FSIP1: variants seen among roughly 807,000 people sequenced by gnomAD.
FSIP1 encodes fibrous sheath-interacting protein 1.
A neutral mutation model predicts 60.9 loss-of-function variants in FSIP1; 65 were observed. That is an observed-to-expected ratio of 1.07 (90% CI 0.87 to 1.31). The LOEUF (loss-of-function observed/expected upper bound fraction) is 1.31, where lower values mean the gene tolerates loss of function less well. FSIP1 is among the 40% of genes most tolerant of loss of function. FSIP1 has a pLI of 0.00. For missense variants in FSIP1, 675 were observed against 665.5 expected, an observed-to-expected ratio of 1.01 and a Z score of -0.16; for synonymous variants, 209 against 221.2, an observed-to-expected ratio of 0.94 and a Z score of 0.49.
intron 11 of FSIP1, among the ~76,000 whole-genome samples, chr15:39,603,316 G>A (rs1469418845): frequency 1.3e-5 from 2 of 152,202 alleles, no homozygotes; most frequent in Non-Finnish European, 2.9e-5. Flanking sequence ...CTCAGAAACT[G>A]ACTTAAATGA....
intron 5 of FSIP1, among the ~76,000 whole-genome samples, chr15:39,751,314 T>A (rs1202112978): frequency 6.6e-6 from 1 of 151,718 alleles, no homozygotes; most frequent in African/African-American, 2.4e-5. Flanking sequence ...CATAAAGACA[T>A]CTGCACTCCC....
At chr15:39,646,557 T>G (rs1892621978) in intron 10 of FSIP1, among the ~76,000 whole-genome samples, 1 of 140,662 alleles carries the variant, frequency 7.1e-6, no homozygotes, top group African/African-American at 2.7e-5. Context: ...AGGCTGCGTT[T>G]GGTGATGTGT....
At chr15:39,670,073 A>G (rs979787247) in intron 10 of FSIP1, among the ~76,000 whole-genome samples, 4 of 152,238 alleles carry the variant, frequency 2.6e-5, no homozygotes, top group Non-Finnish European at 4.4e-5. Context: ...TAATGTTTAA[A>G]GACTGTAATT....
chr15:39,731,755 T>G (rs1173948928), intron 8 of FSIP1, among the ~76,000 whole-genome samples: 1 of 152,116 alleles, frequency 6.6e-6, no homozygotes, highest in Non-Finnish European at 1.5e-5. Context: ...TAGCCAGGGT[T>G]CAGGTAGGTA....
intron 5 of FSIP1, among the ~76,000 whole-genome samples, chr15:39,752,877 C>A (rs1354593497): frequency 6.6e-6 from 1 of 151,990 alleles, no homozygotes. Flanking sequence ...TAGGGGAAAT[C>A]TCTGTACCAT....
intron 10 of FSIP1, among the ~76,000 whole-genome samples, chr15:39,706,583 T>C (rs1895278867): frequency 6.6e-6 from 1 of 152,228 alleles, no homozygotes; most frequent in Non-Finnish European, 1.5e-5. Context: ...AACATTAATT[T>C]ATTTCTGTTT....
chr15:39,612,930 T>C (rs1440739357), intron 11 of FSIP1, among the ~76,000 whole-genome samples: 1 of 152,076 alleles, frequency 6.6e-6, no homozygotes, highest in Non-Finnish European at 1.5e-5. Flanking sequence ...TGATACATCA[T>C]AAGATACATT....
intron 10 of FSIP1, among the ~76,000 whole-genome samples, chr15:39,643,487 C>T (rs1277834518): frequency 6.6e-6 from 1 of 151,984 alleles, no homozygotes; most frequent in African/African-American, 2.4e-5. Flanking sequence ...TCCTGAGGTA[C>T]CTAAAAGGAG....
At chr15:39,615,616 G>T (rs1891197588) in intron 11 of FSIP1, among the ~76,000 whole-genome samples, 1 of 151,954 alleles carries the variant, frequency 6.6e-6, no homozygotes, top group Admixed American at 6.6e-5. Context: ...GACTGGGTGT[G>T]GTGGCTCACG....
At chr15:39,675,053 G>C (rs1893883489) in intron 10 of FSIP1, among the ~76,000 whole-genome samples, 2 of 151,770 alleles carry the variant, frequency 1.3e-5, no homozygotes, top group Admixed American at 1.3e-4. Context: ...TTTTTTAAAG[G>C]GGGGGTGGAA....
At chr15:39,630,974 T>C (rs1891858844) in intron 10 of FSIP1, among the ~76,000 whole-genome samples, 1 of 152,180 alleles carries the variant, frequency 6.6e-6, no homozygotes, top group Non-Finnish European at 1.5e-5. Flanking sequence ...GGCTGCCCTC[T>C]GTGTCTCCCA....
intron 8 of FSIP1, among the ~76,000 whole-genome samples, chr15:39,735,757 T>C (rs1046032987): frequency 1.3e-5 from 2 of 152,180 alleles, no homozygotes; most frequent in Admixed American, 6.5e-5. Context: ...ATAAACACAG[T>C]ATAGAACTGT....
At chr15:39,653,169 T>G (rs1463721688) in intron 10 of FSIP1, among the ~76,000 whole-genome samples, 1 of 111,892 alleles carries the variant, frequency 8.9e-6, no homozygotes, top group Non-Finnish European at 2.1e-5. Flanking sequence ...GAGCCAGACT[T>G]TGTCTCAAAA....
intron 11 of FSIP1, among the ~76,000 whole-genome samples, chr15:39,614,253 C>T (rs767166579): frequency 6.6e-6 from 1 of 151,754 alleles, no homozygotes; most frequent in Non-Finnish European, 1.5e-5. Flanking sequence ...AATCAACATA[C>T]AAAAATCAGG....
chr15:39,611,195 T>C (rs530144966), intron 11 of FSIP1, among the ~76,000 whole-genome samples: 113 of 152,276 alleles, frequency 7.4e-4, no homozygotes, highest in African/African-American at 2.7e-3. Context: ...TACAAAAAGA[T>C]GTAAAATTTA....
At chr15:39,658,251 ATTTT>A (rs71132110) in intron 10 of FSIP1, among the ~76,000 whole-genome samples, 18 of 105,266 alleles carry the variant, frequency 1.7e-4, no homozygotes, top group Middle Eastern at 4.4e-3. Flanking sequence ...AGCAGACATG[ATTTT>A]TTTTTTTTTT....
At chr15:39,673,810 A>G (rs1237335218) in intron 10 of FSIP1, among the ~76,000 whole-genome samples, 1 of 152,012 alleles carries the variant, frequency 6.6e-6, no homozygotes, top group East Asian at 1.9e-4. Flanking sequence ...ACCTGCATTA[A>G]CTGCTATCAT....
chr15:39,680,440 T>A (rs769202098), intron 10 of FSIP1, among the ~76,000 whole-genome samples: 6 of 152,224 alleles, frequency 3.9e-5, no homozygotes, highest in Non-Finnish European at 7.3e-5. Context: ...AACTCAAGAC[T>A]CATTTCCCAG....
intron 10 of FSIP1, among the ~76,000 whole-genome samples, chr15:39,646,234 G>A (rs116648218): frequency 0.011 from 1,745 of 152,222 alleles, 44 homozygotes; most frequent in African/African-American, 0.039. Context: ...CCTGCCAGTA[G>A]AGAGGAGCTA....
Sources: gnomAD v4.1 joint callset for allele counts (sites outside exome capture counted in the v4.1 genomes callset) on GRCh38, gnomAD v4.1.1 for gene constraint, MANE v1.5 for transcripts, NCBI Gene and HGNC (gene_info 2026-07-23, HGNC 2026-07-21) for gene names.